Variants in KCNMA1 observed in about 807,000 individuals in gnomAD.
The protein encoded by KCNMA1 is potassium calcium-activated channel subfamily M alpha 1.
Under a neutral mutation model 140.0 loss-of-function variants are expected in KCNMA1, and 29 were observed. The observed-to-expected ratio is 0.21, with a 90% CI of 0.15 to 0.28. The LOEUF (loss-of-function observed/expected upper bound fraction) is 0.28, where lower values mean the gene tolerates loss of function less well. Ranked by LOEUF, KCNMA1 falls within the 10% of genes least tolerant of loss-of-function variation. The pLI is 1.00. For synonymous variants in KCNMA1, 612 were observed against 611.9 expected, an observed-to-expected ratio of 1.00 and a Z score of 0.00; for missense variants, 880 against 1,602.2, an observed-to-expected ratio of 0.55 and a Z score of 7.70.
rs562436482 is a variant in KCNMA1 at position 77,406,342 on chromosome 10, C to T, written c.379-2319G>A. 7.4e-4 allele frequency among the ~76,000 whole-genome samples: 112 copies of T among 152,210 alleles called. No individual in the cohort carries two copies. The South Asian group carries it at 7.9e-3, about 11-fold the overall frequency. ...CCTCAATAAGATGGGGACAGTACTG[C>T]CAGCCCCTCAGGCATTGTCAGGATT... On this transcript the variant is annotated intron_variant, in intron 1 of 27. Transcript: ENST00000286628.
chr10:76,887,577 T>C (rs1589556091), intron 27 of KCNMA1, 62 bp from the exon 28 acceptor site: 4 of 1,595,108 alleles, frequency 2.5e-6, no homozygotes, highest in South Asian at 1.1e-5. Flanking sequence ...TTCAACTCTC[T>C]CTGAACCAAA....
At chr10:76,935,218 C>A (rs1305330188) in intron 23 of KCNMA1, among the ~76,000 whole-genome samples, 1 of 152,148 alleles carries the variant, frequency 6.6e-6, no homozygotes, top group East Asian at 1.9e-4. Context: ...AGACAAGAAC[C>A]GTTGAAAACA....
At chr10:77,506,216 C>G (rs958037796) in intron 1 of KCNMA1, among the ~76,000 whole-genome samples, 3 of 152,092 alleles carry the variant, frequency 2.0e-5, no homozygotes, top group Non-Finnish European at 2.9e-5. Flanking sequence ...GATCTGAAAC[C>G]ACCAACAGTG....
rs115618085 is a variant in KCNMA1 at position 77,410,256 on chromosome 10, G to C, written c.379-6233C>G. On this transcript the variant is annotated intron_variant, in intron 1 of 27. Transcript: ENST00000286628. ...ACCCTCCCTGACAGGGTGAGCTGCT[G>C]CCACACCTGCTCTCACCCGGTTGGA... 1.6e-3 allele frequency among the ~76,000 whole-genome samples: 244 copies of C among 152,272 alleles called. 1 individual carries two copies. The highest frequency in any genetic ancestry group is 5.5e-3 in the African/African-American group (230 of 41,560).
intron 5 of KCNMA1, among the ~76,000 whole-genome samples, chr10:77,135,656 A>G (rs1288089434): frequency 6.6e-6 from 1 of 152,248 alleles, no homozygotes; most frequent in Admixed American, 6.5e-5. Context: ...CATATTATTC[A>G]GCCAAGAAAA....
intron 25 of KCNMA1, among the ~76,000 whole-genome samples, chr10:76,894,599 T>C (rs1183497460): frequency 2.0e-5 from 3 of 152,172 alleles, no homozygotes; most frequent in African/African-American, 4.8e-5. Flanking sequence ...GGGTCTAATA[T>C]TCAGTATTAA....
chr10:76,983,522 C>A (rs2080210936), intron 19 of KCNMA1, among the ~76,000 whole-genome samples: 2 of 151,958 alleles, frequency 1.3e-5, no homozygotes, highest in African/African-American at 2.4e-5. Context: ...ATCTTGAGGT[C>A]AGTTCAAGAT....
intron 15 of KCNMA1, among the ~76,000 whole-genome samples, chr10:77,035,960 G>T (rs1273349660): frequency 2.0e-5 from 3 of 152,192 alleles, no homozygotes; most frequent in Non-Finnish European, 4.4e-5. Flanking sequence ...CTGTGAGGGT[G>T]TTACCAAAGG....
intron 3 of KCNMA1, among the ~76,000 whole-genome samples, chr10:77,247,605 G>C (rs368938641): frequency 6.6e-6 from 1 of 152,176 alleles, no homozygotes; most frequent in Non-Finnish European, 1.5e-5. Context: ...CTAAAGTGAC[G>C]TGTGACATAA....
At chr10:77,287,499 T>A (rs534955818) in intron 2 of KCNMA1, among the ~76,000 whole-genome samples, 45 of 152,304 alleles carry the variant, frequency 3.0e-4, no homozygotes, top group Admixed American at 1.3e-4. Flanking sequence ...CAATTTGGGA[T>A]CCTAAATTTG....
intron 15 of KCNMA1, among the ~76,000 whole-genome samples, chr10:77,038,864 C>T (rs190928617): frequency 9.8e-5 from 15 of 152,296 alleles, no homozygotes; most frequent in African/African-American, 2.2e-4. Context: ...TCATGCCTCA[C>T]GGCAGACACC....
At chr10:77,219,516 G>T (rs1309424535) in intron 3 of KCNMA1, among the ~76,000 whole-genome samples, 1 of 152,036 alleles carries the variant, frequency 6.6e-6, no homozygotes, top group Non-Finnish European at 1.5e-5. Flanking sequence ...TAGTGCCAAA[G>T]ATTATGAGGG....
chr10:77,472,301 A>G (rs1260225703), intron 1 of KCNMA1, among the ~76,000 whole-genome samples: 2 of 150,430 alleles, frequency 1.3e-5, no homozygotes, highest in Non-Finnish European at 3.0e-5. Context: ...CACACACATC[A>G]CACACACACA....
chr10:77,054,076 A>G (rs948563903), intron 14 of KCNMA1, among the ~76,000 whole-genome samples: 11 of 152,286 alleles, frequency 7.2e-5, no homozygotes, highest in Middle Eastern at 3.4e-3. Context: ...TTTGGATAAT[A>G]TAGTGGTCCA....
intron 1 of KCNMA1, among the ~76,000 whole-genome samples, chr10:77,437,210 A>T (rs1388226653): frequency 6.6e-6 from 1 of 152,116 alleles, no homozygotes; most frequent in Non-Finnish European, 1.5e-5. Flanking sequence ...GAAACTCTGG[A>T]TGTAAGATGG....
intron 1 of KCNMA1, among the ~76,000 whole-genome samples, chr10:77,539,644 G>A (rs760841974): frequency 5.3e-5 from 8 of 152,298 alleles, no homozygotes; most frequent in Non-Finnish European, 1.0e-4. Context: ...GAGGAGCCAC[G>A]GGTGAATTCC....
chr10:77,428,863 G>A (rs780602575), intron 1 of KCNMA1, among the ~76,000 whole-genome samples: 53 of 152,158 alleles, frequency 3.5e-4, no homozygotes, highest in Non-Finnish European at 5.9e-4. Context: ...CTCTGTCTGC[G>A]GGAACTGCTC....
intron 1 of KCNMA1, among the ~76,000 whole-genome samples, chr10:77,486,207 G>A (rs1045223362): frequency 6.6e-6 from 1 of 152,170 alleles, no homozygotes; most frequent in African/African-American, 2.4e-5. Flanking sequence ...GCAGGAGGAG[G>A]CAGATTAAGC....
intron 14 of KCNMA1, among the ~76,000 whole-genome samples, chr10:77,049,153 T>G (rs993086333): frequency 2.0e-5 from 3 of 152,182 alleles, no homozygotes; most frequent in African/African-American, 7.2e-5. Flanking sequence ...CTCTCCTGAC[T>G]TCCCACCCTG....
Sources: allele counts gnomAD v4.1 joint callset (sites outside exome capture counted in the v4.1 genomes callset), GRCh38; gene constraint gnomAD v4.1.1; transcripts MANE v1.5; gene names NCBI Gene and HGNC (gene_info 2026-07-23, HGNC 2026-07-21).